The following NYAP2 variants were observed in gnomAD, a reference collection of about 807,000 sequenced individuals.
NYAP2 encodes neuronal tyrosine-phosphorylated phosphoinositide-3-kinase adaptor 2.
A neutral mutation model predicts 50.4 loss-of-function variants in NYAP2; 23 were observed. That is an observed-to-expected ratio of 0.46 (90% CI 0.33 to 0.65). The LOEUF (loss-of-function observed/expected upper bound fraction) is 0.65, where lower values mean the gene tolerates loss of function less well. NYAP2 is among the 30% of genes least tolerant of loss of function. The pLI, the probability that NYAP2 is intolerant of heterozygous loss-of-function variation, is 0.02. For synonymous variants in NYAP2, 394 were observed against 365.2 expected, an observed-to-expected ratio of 1.08 and a Z score of -0.90; for missense variants, 885 against 861.0, an observed-to-expected ratio of 1.03 and a Z score of -0.35.
At chr2:225,429,150 G>T (rs975994603) in intron 3 of NYAP2, among the ~76,000 whole-genome samples, 11 of 152,000 alleles carry the variant, frequency 7.2e-5, no homozygotes, top group African/African-American at 2.7e-4. Flanking sequence ...AGGAAAGAGA[G>T]AATAAGAAAT....
Position 225,519,485 on chromosome 2 carries a change from T to C in NYAP2, c.523+5813T>C, listed in dbSNP as rs1329560374. Among the ~76,000 whole-genome samples, 5 of 142,506 alleles carry C rather than the reference T, an allele frequency of 3.5e-5. No individual in the cohort carries two copies. In the Admixed American group the frequency reaches 3.8e-4, roughly 11 times the overall value. The allele number at this position is 142,506 out of a possible 152,430, so 93.5% of individuals were successfully genotyped here. ...CCCTTCCTGTGTCCATGTGTTCTCATTGTTCAGTTCCCACCTATGAGTGAG... is the reference window on the plus strand; with the variant it reads ...CCCTTCCTGTGTCCATGTGTTCTCACTGTTCAGTTCCCACCTATGAGTGAG... On this transcript the variant is annotated intron_variant, in intron 4 of 6. Transcript: ENST00000636099.
At chr2:225,425,683 C>T (rs191933156) in intron 3 of NYAP2, among the ~76,000 whole-genome samples, 12 of 152,236 alleles carry the variant, frequency 7.9e-5, no homozygotes, top group East Asian at 7.7e-4. Context: ...AGGATGGAAA[C>T]GACTGTTGTG....
intron 4 of NYAP2, among the ~76,000 whole-genome samples, chr2:225,571,706 G>C (rs1416569749): frequency 6.6e-6 from 1 of 152,180 alleles, no homozygotes; most frequent in Admixed American, 6.5e-5. Context: ...GTGATGGGAG[G>C]GGATGCTGTG....
chr2:225,475,415 T>C (rs530135401), intron 3 of NYAP2, among the ~76,000 whole-genome samples: 1 of 152,322 alleles, frequency 6.6e-6, no homozygotes, highest in South Asian at 2.1e-4. Context: ...TTAATGATAA[T>C]GCTGTTATTA....
intron 6 of NYAP2, among the ~76,000 whole-genome samples, chr2:225,636,606 T>C (rs1013478379): frequency 2.6e-5 from 4 of 152,158 alleles, no homozygotes; most frequent in Non-Finnish European, 5.9e-5. Context: ...GGTAATGTGC[T>C]TTCATAGCTC....
chr2:225,466,106 G>C (rs1265688827), intron 3 of NYAP2, among the ~76,000 whole-genome samples: 1 of 152,180 alleles, frequency 6.6e-6, no homozygotes, highest in Non-Finnish European at 1.5e-5. Flanking sequence ...GGAGAAGCCC[G>C]ATCTCTTTTT....
chr2:225,552,819 C>A (rs1342907282), intron 4 of NYAP2, among the ~76,000 whole-genome samples: 1 of 152,206 alleles, frequency 6.6e-6, no homozygotes, highest in East Asian at 1.9e-4. Context: ...TCCCGAGTAG[C>A]TGGGACTACA....
At chr2:225,414,786 A>C (rs1695098253) in intron 3 of NYAP2, among the ~76,000 whole-genome samples, 1 of 152,146 alleles carries the variant, frequency 6.6e-6, no homozygotes, top group South Asian at 2.1e-4. Context: ...CTAAATGTGC[A>C]AAAAGTCCCT....
At chr2:225,412,281 T>TTTTTA (rs1695056916) in intron 3 of NYAP2, among the ~76,000 whole-genome samples, 2 of 137,430 alleles carry the variant, frequency 1.5e-5, no homozygotes, top group African/African-American at 5.6e-5. Context: ...TTTTTTTTTT[T>TTTTTA]AACAAAAATT....
the NYAP2 span, among the ~76,000 whole-genome samples, chr2:225,676,915 T>C: frequency 2.0e-5 from 3 of 152,226 alleles, no homozygotes. Flanking sequence ...AAATGAATTT[T>C]AGAATAGATT....
the NYAP2 span, among the ~76,000 whole-genome samples, chr2:225,664,587 G>T: frequency 6.6e-6 from 1 of 152,094 alleles, no homozygotes; most frequent in African/African-American, 2.4e-5. Context: ...ACTGAAATGC[G>T]GCCGGGCACG....
intron 3 of NYAP2, among the ~76,000 whole-genome samples, chr2:225,429,165 C>T (rs919186141): frequency 6.6e-6 from 1 of 151,858 alleles, no homozygotes; most frequent in Non-Finnish European, 1.5e-5. Flanking sequence ...AGAAATAATG[C>T]GTTATTTGGC....
intron 3 of NYAP2, among the ~76,000 whole-genome samples, chr2:225,419,631 A>C (rs1431967712): frequency 6.6e-6 from 1 of 152,238 alleles, no homozygotes; most frequent in African/African-American, 2.4e-5. Context: ...GAAAGAAAAG[A>C]TACAACACAT....
At chr2:225,505,405 A>G (rs916109211) in intron 3 of NYAP2, among the ~76,000 whole-genome samples, 6 of 152,356 alleles carry the variant, frequency 3.9e-5, no homozygotes, top group African/African-American at 4.8e-5. Flanking sequence ...CATTAAGGGT[A>G]ATGGTGAGTA....
At chr2:225,700,714 G>GGTGATGATTAA in the NYAP2 span, 1 of 151,734 alleles carries the variant, frequency 6.6e-6, no homozygotes, top group Non-Finnish European at 1.5e-5. Context: ...GGCTCAGTAT[G>GGTGATGATTAA]GTGATGATTA....
At chr2:225,438,027 T>A (rs961606245) in intron 3 of NYAP2, among the ~76,000 whole-genome samples, 2 of 152,192 alleles carry the variant, frequency 1.3e-5, no homozygotes, top group Non-Finnish European at 2.9e-5. Context: ...CTCTCTGAAC[T>A]AGTATAACAT....
chr2:225,539,420 C>T (rs1212875822), intron 4 of NYAP2, among the ~76,000 whole-genome samples: 1 of 152,218 alleles, frequency 6.6e-6, no homozygotes, highest in Non-Finnish European at 1.5e-5. Flanking sequence ...GGAATTGCCA[C>T]ACTGTCTTCC....
At chr2:225,666,833 T>C in the NYAP2 span, among the ~76,000 whole-genome samples, 2 of 149,946 alleles carry the variant, frequency 1.3e-5, no homozygotes, top group African/African-American at 2.5e-5. Flanking sequence ...CAGATACATA[T>C]TCCCCCCCCT....
At chr2:225,478,805 TA>T (rs1164880496) in intron 3 of NYAP2, among the ~76,000 whole-genome samples, 1 of 152,160 alleles carries the variant, frequency 6.6e-6, no homozygotes, top group Non-Finnish European at 1.5e-5. Flanking sequence ...CATCCTGATA[TA>T]AAAAGTATTT....
Sources: allele counts gnomAD v4.1 joint callset (sites outside exome capture counted in the v4.1 genomes callset), GRCh38; gene constraint gnomAD v4.1.1; transcripts MANE v1.5; gene names NCBI Gene and HGNC (gene_info 2026-07-23, HGNC 2026-07-21).